Variants in CAMSAP2 observed in about 807,000 individuals in gnomAD.
CAMSAP2 encodes calmodulin regulated spectrin associated protein family member 2.
A neutral mutation model predicts 146.1 loss-of-function variants in CAMSAP2; 26 were observed. The observed-to-expected ratio is 0.18, with a 90% CI of 0.13 to 0.25. CAMSAP2 has a LOEUF of 0.25. Ranked by LOEUF, CAMSAP2 falls within the 10% of genes least tolerant of loss-of-function variation. CAMSAP2 has a pLI of 1.00. For synonymous variants in CAMSAP2, 499 were observed against 596.6 expected (o/e 0.84, Z 2.38); for missense variants, 1,381 against 1,759.3 (o/e 0.78, Z 3.85).
At chr1:200,824,851 C>T (rs1473978874) in intron 4 of CAMSAP2, among the ~76,000 whole-genome samples, 1 of 152,046 alleles carries the variant, frequency 6.6e-6, no homozygotes, top group African/African-American at 2.4e-5. Flanking sequence ...TGTTGGCATG[C>T]GCCCGTAATC....
intron 8 of CAMSAP2, among the ~76,000 whole-genome samples, chr1:200,846,762 G>A (rs1667468829): frequency 1.3e-5 from 2 of 152,170 alleles, no homozygotes; most frequent in Admixed American, 1.3e-4. Flanking sequence ...GATGTTTTCA[G>A]CAGCTACTCC....
rs1667742391 is a variant in CAMSAP2 at position 200,856,035 on chromosome 1, T to C, written c.3922T>C (p.Ser1308Pro). 1.9e-6 allele frequency: 3 copies of C among 1,613,680 alleles called. No homozygotes were observed. The highest frequency in any genetic ancestry group is 1.3e-5 in the African/African-American group (1 of 75,034). The change falls in exon 15 of 17, where the codon TCT (serine) becomes CCT (proline). Residue 1308 changes from serine (S) to proline (P), a missense_variant. Ser to Pro is a moderately conservative substitution (Grantham distance 74). Around this residue, in one of 4 missense-constraint regions of CAMSAP2, gnomAD observed 560 missense variants for 715.9 expected, o/e 0.78. Transcript: ENST00000358823. ...PRSESVEGFL[S>P]PSRCGSRNGE... ...ATCAGAGTCTGTAGAAGGCTTCTTATCTCCAAGTCGTTGTGGCAGTCGAAA... is the reference window on the plus strand; with the variant it reads ...ATCAGAGTCTGTAGAAGGCTTCTTACCTCCAAGTCGTTGTGGCAGTCGAAA...
intron 1 of CAMSAP2, among the ~76,000 whole-genome samples, chr1:200,740,721 A>G (rs1466629341): frequency 1.3e-5 from 2 of 152,222 alleles, no homozygotes; most frequent in African/African-American, 4.8e-5. Context: ...CAGAAATTGT[A>G]TAGTACAGTA....
At position 200,816,670 on chromosome 1, in the gene CAMSAP2, G is replaced by A. The variant is rs549862835; in HGVS notation, c.645+1026G>A. Among the ~76,000 whole-genome samples the A allele has an allele frequency of 2.8e-5, 4 of 142,444 alleles. No homozygotes were observed. The South Asian group carries it at 8.8e-4, about 31-fold the overall frequency. 93.4% of individuals were successfully genotyped at this position (142,444 alleles called of 152,430 possible). Reference sequence around the variant, plus strand: ...TATATATGCACACACATACACATGTGTATATGTGTGTATATGTACATGCAC... The same window carrying A: ...TATATATGCACACACATACACATGTATATATGTGTGTATATGTACATGCAC... On this transcript the variant is annotated intron_variant, in intron 4 of 16. Coordinates refer to ENST00000358823, the MANE Select transcript of CAMSAP2 (RefSeq NM_203459.4).
chr1:200,799,768 G>T (rs959279893), intron 2 of CAMSAP2, among the ~76,000 whole-genome samples: 3 of 152,086 alleles, frequency 2.0e-5, no homozygotes, highest in African/African-American at 7.2e-5. Flanking sequence ...TGATGTTAGG[G>T]TGTCGATTTT....
rs759708454 is a variant in CAMSAP2 at position 200,848,118 on chromosome 1, G to A, written c.1349G>A (p.Arg450His). Residue 450 changes from arginine to histidine, a missense_variant, in exon 11 of 17, where the codon CGT (arginine) becomes CAT (histidine). Around this residue, in one of 4 missense-constraint regions of CAMSAP2, gnomAD observed 447 missense variants for 462.2 expected, o/e 0.97. Transcript: ENST00000358823. ...QRSTPNRGIT[R>H]SISNEGLTLN... ...TCCACTCCAAACCGAGGAATCACTCGTTCTATTAGTAATGAAGGACTTACT... is the reference window on the plus strand; with the variant it reads ...TCCACTCCAAACCGAGGAATCACTCATTCTATTAGTAATGAAGGACTTACT... 27 of 1,611,084 alleles carry A rather than the reference G, an allele frequency of 1.7e-5. No homozygotes were observed. The highest frequency in any genetic ancestry group is 8.8e-5 in the South Asian group (8 of 90,798).
intron 2 of CAMSAP2, among the ~76,000 whole-genome samples, chr1:200,770,589 T>G (rs151305546): frequency 1.6e-3 from 249 of 152,188 alleles, no homozygotes; most frequent in African/African-American, 6.0e-3. Context: ...AATTTTTTTG[T>G]ATTTTTAGTA....
intron 1 of CAMSAP2, among the ~76,000 whole-genome samples, chr1:200,758,289 T>A (rs1664702141): frequency 6.6e-6 from 1 of 152,236 alleles, no homozygotes; most frequent in South Asian, 2.1e-4. Context: ...TTAGCCATTT[T>A]TTACTGATAC....
intron 4 of CAMSAP2, chr1:200,828,425 A>G (rs1406312749): frequency 1.4e-6 from 1 of 702,334 alleles, no homozygotes; most frequent in Non-Finnish European, 2.3e-6. Flanking sequence ...TAACTAAAAT[A>G]TTTATTAACA....
Position 200,848,443 on chromosome 1 carries a change from A to G in CAMSAP2, c.1674A>G (p.Thr558=). 1 of 1,613,352 alleles carries G rather than the reference A, an allele frequency of 6.2e-7. No homozygotes were observed. The highest frequency in any genetic ancestry group is 8.5e-7 in the Non-Finnish European group (1 of 1,179,738). ...ATGATACTGAAAAATCTCCTCATAC[A>G]CCTCAGCCAGACCAAATTGCTAATG... The part of the protein sequence containing the change: ...IIHDTEKSPH[T]PQPDQIANGF... The change falls in exon 11 of 17, where the codon ACA becomes ACG. Residue 558 remains threonine (T), a synonymous_variant. Transcript: ENST00000358823.
chr1:200,757,615 T>C (rs1558163155), intron 1 of CAMSAP2, among the ~76,000 whole-genome samples: 1 of 152,192 alleles, frequency 6.6e-6, no homozygotes, highest in African/African-American at 2.4e-5. Context: ...TTTAATGTGG[T>C]ACAATTCCAA....
chr1:200,829,935 AT>A (rs1666999881), intron 4 of CAMSAP2, among the ~76,000 whole-genome samples: 2 of 152,138 alleles, frequency 1.3e-5, no homozygotes, highest in African/African-American at 4.8e-5. Context: ...TCCAAAAAAA[AT>A]AATAATAATA....
intron 1 of CAMSAP2, among the ~76,000 whole-genome samples, chr1:200,748,022 G>A (rs1030504537): frequency 9.1e-4 from 137 of 151,288 alleles, no homozygotes; most frequent in Non-Finnish European, 1.8e-3. Flanking sequence ...GGCTGTAGCA[G>A]TTCTAGGTCT....
intron 12 of CAMSAP2, 138 bp downstream of exon 12, chr1:200,852,815 TATAG>T (rs1272411575): frequency 3.4e-6 from 3 of 882,166 alleles, no homozygotes; most frequent in Admixed American, 7.0e-5. Context: ...AAGTTTGTAG[TATAG>T]ATAGACAGCT....
rs138672660 is a variant in CAMSAP2 at position 200,856,267 on chromosome 1, C to T, written c.4012+142C>T. ...AACAGTGAATGCAGGTGGTCACTTTCAGGTAGTTCAGTAAGTTTCTAAACA... is the reference window on the plus strand; with the variant it reads ...AACAGTGAATGCAGGTGGTCACTTTTAGGTAGTTCAGTAAGTTTCTAAACA... On this transcript the variant is annotated intron_variant, in intron 15 of 16. Transcript: ENST00000358823. 8.7e-3 allele frequency: 5,313 copies of T among 611,300 alleles called. 44 individuals are homozygous for T. Among genetic ancestry groups the T allele is most frequent in the Middle Eastern group, 0.024 (56 of 2,292 alleles). The allele number at this position is 611,300 out of a possible 1,614,324, so 37.9% of individuals were successfully genotyped here.
At chr1:200,749,604 T>G (rs1341196433) in intron 1 of CAMSAP2, among the ~76,000 whole-genome samples, 3 of 152,224 alleles carry the variant, frequency 2.0e-5, no homozygotes, top group Admixed American at 6.5e-5. Context: ...CTGCTTACCT[T>G]TATTTAACAT....
intron 4 of CAMSAP2, among the ~76,000 whole-genome samples, chr1:200,827,429 C>G (rs947373984): frequency 6.6e-6 from 1 of 152,192 alleles, no homozygotes; most frequent in African/African-American, 2.4e-5. Flanking sequence ...AACCCTGACA[C>G]GTTTTCAGTG....
At chr1:200,852,812 T>C (rs1252369032) in intron 12 of CAMSAP2, 135 bp downstream of exon 12, 3 of 890,958 alleles carry the variant, frequency 3.4e-6, no homozygotes, top group East Asian at 2.8e-5. Context: ...GAGAAGTTTG[T>C]AGTATAGATA....
At chr1:200,816,605 A>T (rs34755967) in intron 4 of CAMSAP2, among the ~76,000 whole-genome samples, 16,688 of 110,870 alleles carry the variant, frequency 0.15, 2,108 homozygotes, top group South Asian at 0.21. Flanking sequence ...AAAAAAAAAA[A>T]ATATATATAT....
Sources: gnomAD v4.1 joint callset for allele counts (sites outside exome capture counted in the v4.1 genomes callset) on GRCh38, gnomAD v4.1.1 for gene constraint, gnomAD v4.1.1 regional missense constraint, MANE v1.5 for transcripts, NCBI Gene and HGNC (gene_info 2026-07-23, HGNC 2026-07-21) for gene names.